Variants in UNC79 observed in about 807,000 individuals in gnomAD.
The protein encoded by UNC79 is protein unc-79 homolog.
A neutral mutation model predicts 283.1 loss-of-function variants in UNC79; 37 were observed. That is an observed-to-expected ratio of 0.13 (90% CI 0.10 to 0.17). The LOEUF is 0.17. Ranked by LOEUF, UNC79 falls within the 10% of genes least tolerant of loss-of-function variation. The pLI, the probability that UNC79 is intolerant of heterozygous loss-of-function variation, is 1.00. For missense variants in UNC79, 2,272 were observed against 3,211.1 expected, an observed-to-expected ratio of 0.71 and a Z score of 7.07; for synonymous variants, 1,107 against 1,200.2, an observed-to-expected ratio of 0.92 and a Z score of 1.61.
At chr14:93,450,288 C>T (rs1168423461) in intron 1 of UNC79, among the ~76,000 whole-genome samples, 1 of 152,150 alleles carries the variant, frequency 6.6e-6, no homozygotes. Context: ...TTTGAGGCCA[C>T]TGTGGAGGAG....
At chr14:93,604,840 C>A in intron 26 of UNC79, 56 bp from the exon 27 acceptor site, 1 of 1,481,818 alleles carries the variant, frequency 6.7e-7, no homozygotes, top group South Asian at 1.3e-5. Flanking sequence ...AGTATATTTT[C>A]TAGGCTCCAG....
chr14:93,417,636 C>G (rs960600943), intron 1 of UNC79, among the ~76,000 whole-genome samples: 7 of 152,220 alleles, frequency 4.6e-5, no homozygotes, highest in Non-Finnish European at 8.8e-5. Context: ...TGGTTCCATT[C>G]TCCCCGTCAC....
In UNC79 at chr14:93,617,318, T is replaced by G. The variant is rs1421365725; in HGVS notation, c.4224+14T>G. On this transcript the variant is annotated intron_variant, in intron 28 of 48. Coordinates refer to ENST00000555664, the Ensembl canonical transcript of UNC79. The surrounding 1 kb of genome is among the most constrained non-coding windows in gnomAD (Gnocchi z 4.5). ...ATCCTTTACAAGGTGAGCTGGGTGG[T>G]CACTGCTGTTTTGGATGCAATGGTT... The G allele has an allele frequency of 9.9e-6, 16 of 1,613,320 alleles. No individual in the cohort carries two copies. Among genetic ancestry groups the G allele is most frequent in the Non-Finnish European group, 1.4e-5 (16 of 1,179,566 alleles).
chr14:93,524,870 G>A lies in UNC79; in HGVS notation c.963+828G>A, dbSNP rs1310271087. On this transcript the variant is annotated intron_variant, in intron 8 of 48. Coordinates refer to ENST00000555664, the Ensembl canonical transcript of UNC79. ...TCACAGTTACTTTGGAGAACCAGGTGTCCTGCGGGTTTGCTTCTTTTGTTT... is the reference window on the plus strand; with the variant it reads ...TCACAGTTACTTTGGAGAACCAGGTATCCTGCGGGTTTGCTTCTTTTGTTT... Among the ~76,000 whole-genome samples, 2 of 152,194 alleles carry A rather than the reference G, an allele frequency of 1.3e-5. 1 individual carries two copies. Among genetic ancestry groups the A allele is most frequent in the Admixed American group, 1.3e-4 (2 of 15,286 alleles).
chr14:93,648,895 A>G (rs2069927736), intron 35 of UNC79, among the ~76,000 whole-genome samples: 1 of 152,196 alleles, frequency 6.6e-6, no homozygotes, highest in Non-Finnish European at 1.5e-5. Flanking sequence ...ACCACATTAA[A>G]TATTTTGGAC....
chr14:93,437,710 A>G (rs1040672427), intron 1 of UNC79, among the ~76,000 whole-genome samples: 1 of 152,048 alleles, frequency 6.6e-6, no homozygotes, highest in Non-Finnish European at 1.5e-5. Context: ...CTTGTGTCCT[A>G]GCTTCTGGGG....
chr14:93,635,752 T>C (rs774574965), intron 31 of UNC79, among the ~76,000 whole-genome samples: 31 of 152,356 alleles, frequency 2.0e-4, no homozygotes, highest in South Asian at 4.1e-4. Context: ...AAAGGTTTAG[T>C]GTTTTCTCTT....
chr14:93,620,878 C>G lies in UNC79; in HGVS notation c.4388-743C>G, dbSNP rs1385177177. On this transcript the variant is annotated intron_variant, in intron 29 of 48. Transcript: ENST00000555664. ...ACCTCTTAAGTGTAATTTTGACTTT[C>G]TCTCCCCAATTAGAAGAAGATAGTG... 1 of 505,424 alleles carries G rather than the reference C, an allele frequency of 2.0e-6. No homozygotes were observed. Among genetic ancestry groups the G allele is most frequent in the East Asian group, 5.5e-5 (1 of 18,192 alleles). The allele number at this position is 505,424 out of a possible 1,614,324, so 31.3% of individuals were successfully genotyped here.
In UNC79 at chr14:93,509,759, T is replaced by G. The variant is rs143444614; in HGVS notation, c.898+12473T>G. On this transcript the variant is annotated intron_variant, in intron 7 of 48. Coordinates refer to ENST00000555664, the Ensembl canonical transcript of UNC79. ...TGCAGCTGCTTTCATGGGCTGGTGTTGAGTACCCGCAGCTTTTCCAGGTGC... is the reference window on the plus strand; with the variant it reads ...TGCAGCTGCTTTCATGGGCTGGTGTGGAGTACCCGCAGCTTTTCCAGGTGC... Among the ~76,000 whole-genome samples, 8 of 152,250 alleles carry G rather than the reference T, an allele frequency of 5.3e-5. No individual in the cohort carries two copies. In the East Asian group the frequency reaches 1.5e-3, roughly 29 times the overall value.
intron 1 of UNC79, among the ~76,000 whole-genome samples, chr14:93,413,480 T>A: frequency 6.8e-6 from 1 of 148,126 alleles, no homozygotes; most frequent in Non-Finnish European, 1.5e-5. Context: ...AGTGCTGCAA[T>A]AAACATACGT....
chr14:93,417,042 G>T (rs2055477013), intron 1 of UNC79, among the ~76,000 whole-genome samples: 1 of 152,046 alleles, frequency 6.6e-6, no homozygotes, highest in Non-Finnish European at 1.5e-5. Flanking sequence ...ATATTGTTAT[G>T]TGTGAATTTG....
chr14:93,633,689 G>A (rs1039201529), intron 31 of UNC79, among the ~76,000 whole-genome samples: 2 of 152,192 alleles, frequency 1.3e-5, no homozygotes, highest in Non-Finnish European at 2.9e-5. Flanking sequence ...AATAGGACCA[G>A]AGGAGACTGC....
chr14:93,511,769 T>C (rs372908866), intron 7 of UNC79, among the ~76,000 whole-genome samples: 2 of 152,186 alleles, frequency 1.3e-5, no homozygotes, highest in East Asian at 3.8e-4. Flanking sequence ...ACCAAATGCT[T>C]ACATAAACTA....
chr14:93,427,237 TA>T (rs894431878), upstream of UNC79, among the ~76,000 whole-genome samples: 2 of 152,180 alleles, frequency 1.3e-5, no homozygotes, highest in African/African-American at 4.8e-5. Flanking sequence ...TAATTGCTTT[TA>T]ACTAGGTATT....
At chr14:93,659,117 C>T (rs1157705280) in intron 38 of UNC79, 76 bp from the exon 42 acceptor site, 1 of 1,194,972 alleles carries the variant, frequency 8.4e-7, no homozygotes, top group East Asian at 2.5e-5. Context: ...AAACTAAATG[C>T]TTTCAGAACA....
chr14:93,430,974 G>A lies in UNC79; in HGVS notation c.-56G>A, dbSNP rs1218836943. 2.9e-6 allele frequency: 2 copies of A among 700,842 alleles called. No individual in the cohort carries two copies. The highest frequency in any genetic ancestry group is 5.2e-6 in the Non-Finnish European group (2 of 384,050). The allele number at this position is 700,842 out of a possible 1,614,324, so 43.4% of individuals were successfully genotyped here. ...TTCCTCGCAACATCGCTGGCGGAGCGAGGGAGCTCACACGACACAGATTTT... is the reference window on the plus strand; with the variant it reads ...TTCCTCGCAACATCGCTGGCGGAGCAAGGGAGCTCACACGACACAGATTTT... On this transcript the variant is annotated 5_prime_UTR_variant, in exon 1 of 49. Coordinates refer to ENST00000555664, the Ensembl canonical transcript of UNC79. The surrounding 1 kb of genome is among the most constrained non-coding windows in gnomAD (Gnocchi z 4.6).
chr14:93,693,502 T>C (rs2074858418), intron 46 of UNC79, among the ~76,000 whole-genome samples: 1 of 152,248 alleles, frequency 6.6e-6, no homozygotes, highest in Non-Finnish European at 1.5e-5. Flanking sequence ...CTGAAAATTT[T>C]GTTAAACCAT....
At chr14:93,516,458 G>T (rs1449559159) in intron 7 of UNC79, among the ~76,000 whole-genome samples, 11 of 116,524 alleles carry the variant, frequency 9.4e-5, no homozygotes, top group Admixed American at 3.1e-4. Context: ...TTTGGGGGGG[G>T]GGGTGGGGGA....
intron 16 of UNC79, among the ~76,000 whole-genome samples, chr14:93,574,212 T>A (rs543987216): frequency 6.6e-6 from 1 of 152,180 alleles, no homozygotes; most frequent in East Asian, 1.9e-4. Flanking sequence ...CCCCTATAGC[T>A]ACAGTGGCAA....
Sources: allele counts gnomAD v4.1 joint callset (sites outside exome capture counted in the v4.1 genomes callset), GRCh38; gene constraint gnomAD v4.1.1; non-coding constraint Gnocchi (gnomAD v3.1); transcripts MANE v1.5; gene names NCBI Gene and HGNC (gene_info 2026-07-23, HGNC 2026-07-21).